Variants in ESRRG observed in about 807,000 individuals in gnomAD.
ESRRG encodes estrogen related receptor gamma.
A neutral mutation model predicts 44.0 loss-of-function variants in ESRRG; 13 were observed. The ratio of observed to expected loss-of-function variants is 0.30; its 90% CI spans 0.19 to 0.47. The LOEUF is 0.47. ESRRG is among the 20% of genes least tolerant of loss of function. The pLI, the probability that ESRRG is intolerant of heterozygous loss-of-function variation, is 1.00. For missense variants in ESRRG, 395 were observed against 580.6 expected (o/e 0.68, Z 3.29); for synonymous variants, 215 against 214.6 (o/e 1.00, Z -0.02).
At chr1:216,637,874 G>C (rs2065613543) in intron 3 of ESRRG, among the ~76,000 whole-genome samples, 1 of 151,300 alleles carries the variant, frequency 6.6e-6, no homozygotes, top group Non-Finnish European at 1.5e-5. Flanking sequence ...ATTCTGTCAT[G>C]GTCATATGAA....
At chr1:216,809,746 G>A (rs547999025) in intron 2 of ESRRG, among the ~76,000 whole-genome samples, 42 of 152,034 alleles carry the variant, frequency 2.8e-4, no homozygotes, top group East Asian at 5.8e-4. Flanking sequence ...GACTGTTGCC[G>A]CTCTTACTGC....
chr1:216,964,045 T>G (rs2069713578), intron 1 of ESRRG, among the ~76,000 whole-genome samples: 1 of 151,906 alleles, frequency 6.6e-6, no homozygotes, highest in African/African-American at 2.4e-5. Context: ...GATGCAAAGG[T>G]CCTGTGGCAA....
At chr1:216,629,809 G>T (rs2063808273) in intron 3 of ESRRG, among the ~76,000 whole-genome samples, 1 of 152,112 alleles carries the variant, frequency 6.6e-6, no homozygotes, top group Admixed American at 6.6e-5. Context: ...GGAGACTTAG[G>T]CAAAATACCA....
At chr1:217,035,273 G>A (rs971077709) in intron 1 of ESRRG, among the ~76,000 whole-genome samples, 15 of 143,278 alleles carry the variant, frequency 1.0e-4, no homozygotes, top group African/African-American at 4.0e-4. Context: ...CTCACTTGAG[G>A]CCAGGAGTTC....
Position 217,121,119 on chromosome 1 carries a change from T to TACACAC in ESRRG, c.-230+16542_-230+16547dup, listed in dbSNP as rs71163790. Reference sequence around the variant, plus strand: ...GTCAGCTGTGTCGGGTCTTGAAGAATACACACACACACACACACACACACA... The same window carrying TACACAC: ...GTCAGCTGTGTCGGGTCTTGAAGAATACACACACACACACACACACACACACACACA... On this transcript the variant is annotated intron_variant, in intron 1 of 8. Coordinates refer to the ESRRG transcript ENST00000366940. 3.2e-3 allele frequency among the ~76,000 whole-genome samples: 479 copies of TACACAC among 148,456 alleles called. 3 individuals are homozygous for TACACAC. Among genetic ancestry groups the TACACAC allele is most frequent in the African/African-American group, 3.3e-3 (131 of 39,904 alleles).
chr1:217,075,594 C>CCCT (rs571725125), intron 1 of ESRRG, among the ~76,000 whole-genome samples: 1 of 148,542 alleles, frequency 6.7e-6, no homozygotes, highest in Non-Finnish European at 1.5e-5. Flanking sequence ...TCCTTTCCCC[C>CCCT]CCCCAACATT....
Position 216,742,642 on chromosome 1 carries a change from G to A in ESRRG, c.-13-65151C>T, listed in dbSNP as rs185550936. 7.2e-5 allele frequency among the ~76,000 whole-genome samples: 11 copies of A among 151,866 alleles called. No individual in the cohort carries two copies. In the East Asian group the frequency reaches 1.9e-3, roughly 27 times the overall value. ...ATAAATGACAGCTAAATGAATGACTGATTTCTTAATCTTTCCATTCCTTGT... is the reference window on the plus strand; with the variant it reads ...ATAAATGACAGCTAAATGAATGACTAATTTCTTAATCTTTCCATTCCTTGT... On this transcript the variant is annotated intron_variant, in intron 2 of 7. Coordinates refer to the ESRRG transcript ENST00000359162.
chr1:217,127,429 G>T (rs1207918240), intron 1 of ESRRG, among the ~76,000 whole-genome samples: 1 of 152,180 alleles, frequency 6.6e-6, no homozygotes, highest in African/African-American at 2.4e-5. Context: ...CCAGCTGATG[G>T]TTGCCATAAG....
chr1:216,649,057 G>T (rs1429756403), intron 3 of ESRRG, among the ~76,000 whole-genome samples: 3 of 152,110 alleles, frequency 2.0e-5, no homozygotes, highest in Non-Finnish European at 4.4e-5. Context: ...ACAAACGTAA[G>T]CTACCACCAT....
At chr1:216,540,278 T>C (rs1190042152) in intron 5 of ESRRG, among the ~76,000 whole-genome samples, 1 of 152,024 alleles carries the variant, frequency 6.6e-6, no homozygotes, top group Non-Finnish European at 1.5e-5. Context: ...CCGTACTCTA[T>C]GCAGAAAAAG....
chr1:216,949,521 A>C lies in ESRRG; in HGVS notation c.-105-9848T>G, dbSNP rs748315340. 2.0e-5 allele frequency among the ~76,000 whole-genome samples: 3 copies of C among 152,166 alleles called. No individual in the cohort carries two copies. The South Asian group carries it at 6.2e-4, about 32-fold the overall frequency. ...GCTTCTCTTCATTTTTAACAAGATTAATAATGTACATCATAGTTAGCACCC... is the reference window on the plus strand; with the variant it reads ...GCTTCTCTTCATTTTTAACAAGATTCATAATGTACATCATAGTTAGCACCC... On this transcript the variant is annotated intron_variant, in intron 1 of 7. Coordinates refer to the ESRRG transcript ENST00000359162.
At chr1:216,819,474 G>A (rs2095240057) in intron 2 of ESRRG, among the ~76,000 whole-genome samples, 1 of 152,056 alleles carries the variant, frequency 6.6e-6, no homozygotes, top group Admixed American at 6.6e-5. Context: ...AATTTCTTAT[G>A]GCCCAAATCA....
intron 2 of ESRRG, among the ~76,000 whole-genome samples, chr1:216,739,211 C>A (rs1033293256): frequency 6.6e-6 from 1 of 151,184 alleles, no homozygotes; most frequent in East Asian, 1.9e-4. Context: ...TATAAATAAT[C>A]CCGACACTGA....
intron 2 of ESRRG, among the ~76,000 whole-genome samples, chr1:216,872,216 G>A (rs1312136860): frequency 6.6e-6 from 1 of 150,432 alleles, no homozygotes; most frequent in Non-Finnish European, 1.5e-5. Context: ...CTCTGCTCTT[G>A]TTCAAGATTT....
chr1:216,671,748 A>G lies in ESRRG; in HGVS notation c.472+5328T>C, dbSNP rs145757869. On this transcript the variant is annotated intron_variant, in intron 2 of 6. Transcript: ENST00000408911. ...AAATATACAATTTCCCACCTTTTAAATGTGGGGGAAAGAAGAATACTTTAT... is the reference window on the plus strand; with the variant it reads ...AAATATACAATTTCCCACCTTTTAAGTGTGGGGGAAAGAAGAATACTTTAT... 1.5e-3 allele frequency among the ~76,000 whole-genome samples: 225 copies of G among 152,260 alleles called. 2 individuals are homozygous for G. Among genetic ancestry groups the G allele is most frequent in the African/African-American group, 5.1e-3 (212 of 41,550 alleles).
At chr1:216,985,158 A>G (rs1404676388) in intron 1 of ESRRG, among the ~76,000 whole-genome samples, 4 of 152,214 alleles carry the variant, frequency 2.6e-5, no homozygotes, top group African/African-American at 9.6e-5. Context: ...GTGAATAACT[A>G]TGAACTTCAA....
At chr1:216,741,916 C>T (rs147342585) in intron 2 of ESRRG, among the ~76,000 whole-genome samples, 34 of 152,256 alleles carry the variant, frequency 2.2e-4, no homozygotes, top group African/African-American at 7.9e-4. Flanking sequence ...GCCTGAATTT[C>T]CTCACTGGTG....
intron 1 of ESRRG, among the ~76,000 whole-genome samples, chr1:216,710,500 C>T (rs74141639): frequency 0.019 from 2,905 of 152,278 alleles, 89 homozygotes; most frequent in African/African-American, 0.066. Context: ...GGGTTATTTA[C>T]ATTCCTGAGC....
intron 2 of ESRRG, among the ~76,000 whole-genome samples, chr1:216,829,549 G>GTTTTT (rs66515526): frequency 7.4e-5 from 10 of 135,630 alleles, no homozygotes; most frequent in Non-Finnish European, 1.4e-4. Flanking sequence ...AAATGCCACA[G>GTTTTT]TTTTTTTTTT....
Sources: gnomAD v4.1 joint callset for allele counts (sites outside exome capture counted in the v4.1 genomes callset) on GRCh38, gnomAD v4.1.1 for gene constraint, MANE v1.5 for transcripts, NCBI Gene and HGNC (gene_info 2026-07-23, HGNC 2026-07-21) for gene names.